FYB2: variants seen among roughly 807,000 people sequenced by gnomAD.
The protein encoded by FYB2 is FYN-binding protein 2.
A neutral mutation model predicts 94.1 loss-of-function variants in FYB2; 103 were observed. That is an observed-to-expected ratio of 1.09 (90% CI 0.93 to 1.29). The LOEUF is 1.29. Ranked by LOEUF, FYB2 falls within the 50% of genes most tolerant of loss-of-function variation. The pLI is 0.00. For synonymous variants in FYB2, 293 were observed against 287.9 expected (o/e 1.02, Z -0.18); for missense variants, 896 against 841.5 (o/e 1.06, Z -0.80).
At chr1:56,730,243 GT>G (rs1242341255) in intron 15 of FYB2, among the ~76,000 whole-genome samples, 7 of 139,436 alleles carry the variant, frequency 5.0e-5, no homozygotes, top group Non-Finnish European at 9.3e-5. Context: ...AAAAGCTGGT[GT>G]TTTGAAAAGA....
intron 1 of FYB2, among the ~76,000 whole-genome samples, chr1:56,807,898 G>C (rs1646682548): frequency 1.3e-5 from 2 of 152,142 alleles, no homozygotes; most frequent in South Asian, 2.1e-4. Context: ...AGTATTTACT[G>C]TATTGCCAAT....
At chr1:56,805,638 C>T (rs942105687) in intron 1 of FYB2, among the ~76,000 whole-genome samples, 2 of 152,122 alleles carry the variant, frequency 1.3e-5, no homozygotes, top group Non-Finnish European at 2.9e-5. Flanking sequence ...TGTGTCCTCA[C>T]CAAAATCTCA....
Position 56,792,327 on chromosome 1 carries a change from A to G in FYB2, c.486T>C (p.Tyr162=), listed in dbSNP as rs1366998885. The change falls in exon 2 of 20, where the codon TAT becomes TAC. Residue 162 remains tyrosine (Y), a synonymous_variant. Transcript: ENST00000343433. ...CTTCCAGATGGATGGCCTTACTTCC[A>G]TAGTTGGCAAGGAGAAGGGCTGAAG... ...EMSSALLLAN[Y]GSKAIHLEGQ... is the part of the protein sequence containing the mutation. 1 of 1,614,118 alleles carries G rather than the reference A, an allele frequency of 6.2e-7. No homozygotes were observed. Among genetic ancestry groups the G allele is most frequent in the East Asian group, 2.2e-5 (1 of 44,864 alleles).
intron 15 of FYB2, among the ~76,000 whole-genome samples, chr1:56,736,513 C>T (rs1644835533): frequency 6.7e-6 from 1 of 149,650 alleles, no homozygotes; most frequent in Non-Finnish European, 1.5e-5. Context: ...ACAACCTCTG[C>T]CTCAAAGGCT....
intron 1 of FYB2, among the ~76,000 whole-genome samples, chr1:56,798,377 C>G (rs1646448104): frequency 6.6e-6 from 1 of 152,128 alleles, no homozygotes; most frequent in Non-Finnish European, 1.5e-5. Context: ...TGGGAACAAC[C>G]TAAGATAAAA....
At chr1:56,757,689 T>TCCTTCCTTC (rs1557616891) in intron 6 of FYB2, among the ~76,000 whole-genome samples, 30 of 56,870 alleles carry the variant, frequency 5.3e-4, no homozygotes, top group Non-Finnish European at 7.5e-4. Context: ...CTTCCTTCCT[T>TCCTTCCTTC]CTTTCTTTCT....
At chr1:56,738,384 T>C (rs1644876896) in intron 14 of FYB2, among the ~76,000 whole-genome samples, 2 of 152,140 alleles carry the variant, frequency 1.3e-5, no homozygotes, top group Non-Finnish European at 2.9e-5. Context: ...ACATTTATTT[T>C]TCTGGGATTT....
intron 16 of FYB2, among the ~76,000 whole-genome samples, 179 bp from the exon 17 acceptor site, chr1:56,723,860 T>C (rs996695197): frequency 1.3e-5 from 2 of 152,038 alleles, no homozygotes; most frequent in Admixed American, 1.3e-4. Context: ...CACACACGTA[T>C]GTAGGTTCAT....
intron 2 of FYB2, 119 bp downstream of exon 2, chr1:56,791,937 G>C (rs1176107134): frequency 1.5e-6 from 2 of 1,362,072 alleles, no homozygotes; most frequent in African/African-American, 2.9e-5. Context: ...ATCACGTGGA[G>C]AGTCTGGAGC....
intron 5 of FYB2, among the ~76,000 whole-genome samples, chr1:56,765,554 T>C (rs185396479): frequency 6.6e-6 from 1 of 152,298 alleles, no homozygotes; most frequent in Non-Finnish European, 1.5e-5. Context: ...CTATGATGTT[T>C]GGCTGGAGTA....
At chr1:56,736,947 C>G in intron 15 of FYB2, 140 bp downstream of exon 15, 1 of 683,252 alleles carries the variant, frequency 1.5e-6, no homozygotes, top group Non-Finnish European at 2.5e-6. Context: ...GTTTTCCCCT[C>G]TTAGTGAGAA....
At chr1:56,787,286 T>G in intron 3 of FYB2, 78 bp from the exon 4 acceptor site, 1 of 1,527,076 alleles carries the variant, frequency 6.5e-7, no homozygotes, top group Non-Finnish European at 9.1e-7. Context: ...GTGTGATGAC[T>G]TGATCCCACA....
At chr1:56,778,670 T>G (rs1484470996) in intron 4 of FYB2, among the ~76,000 whole-genome samples, 13 of 152,086 alleles carry the variant, frequency 8.5e-5, no homozygotes, top group Admixed American at 7.9e-4. Flanking sequence ...ATATTATCAA[T>G]CAAAGCATTC....
At chr1:56,756,931 TGAAGG>T (rs1645347626) in intron 6 of FYB2, among the ~76,000 whole-genome samples, 1 of 152,082 alleles carries the variant, frequency 6.6e-6, no homozygotes, top group Non-Finnish European at 1.5e-5. Context: ...TAGTTTGGTG[TGAAGG>T]GAACTAGTTC....
rs1645263116 is a variant in FYB2, at chr1:56,753,947, A to G, written c.1131-12T>C. The G allele has an allele frequency of 2.0e-6, 3 of 1,487,174 alleles. No individual in the cohort carries two copies. In the African/African-American group the frequency reaches 7.0e-5, roughly 35 times the overall value. 92.1% of individuals were successfully genotyped at this position (1,487,174 alleles called of 1,614,324 possible). ...CTTCATGTTTAGCACTGAAATGTGA[A>G]GAGATACCAGGAAAAAAATGAAGCT... On this transcript the variant is annotated splice_polypyrimidine_tract_variant and intron_variant, in intron 7 of 19. Coordinates refer to ENST00000343433, the MANE Select transcript of FYB2 (RefSeq NM_001004303.5).
intron 1 of FYB2, among the ~76,000 whole-genome samples, chr1:56,813,835 A>T (rs957605835): frequency 2.4e-4 from 37 of 152,314 alleles, no homozygotes; most frequent in African/African-American, 8.4e-4. Context: ...TATAAATGAG[A>T]TAACTGGGAC....
intron 1 of FYB2, among the ~76,000 whole-genome samples, chr1:56,800,738 C>T (rs754745329): frequency 5.3e-5 from 8 of 152,252 alleles, no homozygotes; most frequent in African/African-American, 1.4e-4. Context: ...GGTGAGACTG[C>T]GCCTCCTCTA....
intron 17 of FYB2, among the ~76,000 whole-genome samples, chr1:56,722,449 A>C (rs986173169): frequency 6.6e-6 from 1 of 152,094 alleles, no homozygotes; most frequent in South Asian, 2.1e-4. Flanking sequence ...GAGATTGCTC[A>C]AGTATATAGG....
chr1:56,792,705 T>C lies in FYB2; in HGVS notation c.108A>G (p.Pro36=). Residue 36 remains proline (P), a synonymous_variant, in exon 2 of 20, where the codon CCA becomes CCG. Transcript: ENST00000343433. ...ACTGTGTGCCTCCAATGTCACCCTT[T>C]GGAGAAACACCTGCTGGGAATTTAA... The part of the protein sequence containing the change: ...GPIKFPAGVS[P]KGDIGGTQST... 1 of 1,614,088 alleles carries C rather than the reference T, an allele frequency of 6.2e-7. No homozygotes were observed. Among genetic ancestry groups the C allele is most frequent in the Non-Finnish European group, 8.5e-7 (1 of 1,180,008 alleles).
Sources: gnomAD v4.1 joint callset for allele counts (sites outside exome capture counted in the v4.1 genomes callset) on GRCh38, gnomAD v4.1.1 for gene constraint, MANE v1.5 for transcripts, NCBI Gene and HGNC (gene_info 2026-07-23, HGNC 2026-07-21) for gene names.